Variants in NTRK2 observed in about 807,000 individuals in gnomAD.
The protein encoded by NTRK2 is neurotrophic receptor tyrosine kinase 2, also known as BDNF/NT-3 growth factors receptor.
NTRK2 carries 13 observed loss-of-function variants against 94.5 expected under a neutral mutation model. The ratio of observed to expected loss-of-function variants is 0.14; its 90% confidence interval spans 0.09 to 0.22. The LOEUF (loss-of-function observed/expected upper bound fraction) is 0.22, where lower values mean the gene tolerates loss of function less well. NTRK2 is among the 10% of genes least tolerant of loss of function. NTRK2 has a pLI of 1.00. For synonymous variants in NTRK2, 372 were observed against 407.4 expected (o/e 0.91, Z 1.05); for missense variants, 639 against 1,071.2 (o/e 0.60, Z 5.63).
intron 12 of NTRK2, among the ~76,000 whole-genome samples, chr9:84,775,430 A>G (rs1256318727): frequency 1.3e-5 from 2 of 152,196 alleles, no homozygotes; most frequent in East Asian, 3.9e-4. Flanking sequence ...TTGCTTAGCC[A>G]GAGATATTGC....
At chr9:84,919,308 A>G (rs2077491531) in intron 14 of NTRK2, among the ~76,000 whole-genome samples, 1 of 152,160 alleles carries the variant, frequency 6.6e-6, no homozygotes, top group Admixed American at 6.5e-5. Context: ...AATGCTTGGC[A>G]CTGTTTTTAG....
At chr9:85,006,883 A>G (rs2133465963) in intron 17 of NTRK2, among the ~76,000 whole-genome samples, 1 of 152,330 alleles carries the variant, frequency 6.6e-6, no homozygotes, top group Non-Finnish European at 1.5e-5. Context: ...TCTGGGCTCC[A>G]AGGGGTATGT....
At chr9:84,945,304 C>T (rs2078561739) in intron 15 of NTRK2, among the ~76,000 whole-genome samples, 1 of 152,118 alleles carries the variant, frequency 6.6e-6, no homozygotes, top group South Asian at 2.1e-4. Context: ...CTTTTAGTTG[C>T]CTGATACTGG....
At chr9:84,879,550 T>C (rs1029910685) in intron 14 of NTRK2, among the ~76,000 whole-genome samples, 4 of 152,316 alleles carry the variant, frequency 2.6e-5, no homozygotes, top group African/African-American at 7.2e-5. Flanking sequence ...AAAAAAATCT[T>C]AATAATTGCT....
intron 14 of NTRK2, among the ~76,000 whole-genome samples, chr9:84,870,930 GA>G (rs1489655999): frequency 6.6e-6 from 1 of 152,144 alleles, no homozygotes; most frequent in Non-Finnish European, 1.5e-5. Flanking sequence ...TGAATTGTAA[GA>G]ATCTAATATA....
At chr9:84,814,973 A>T (rs200773440) in intron 12 of NTRK2, 22 of 1,059,560 alleles carry the variant, frequency 2.1e-5, no homozygotes, top group Non-Finnish European at 2.4e-5. Flanking sequence ...ATCTAAAGAC[A>T]TAGGGGAAGA....
chr9:84,819,695 AAACAGGCTC>A (rs1345890544), intron 12 of NTRK2, among the ~76,000 whole-genome samples: 7 of 152,190 alleles, frequency 4.6e-5, no homozygotes, highest in Admixed American at 4.6e-4. Context: ...CGCCAGCCTT[AAACAGGCTC>A]AGCCCTCCCT....
Position 85,024,605 on chromosome 9 carries a change from A to G in NTRK2, c.*3168A>G, listed in dbSNP as rs919915849. 5 of 232,936 alleles carry G rather than the reference A, an allele frequency of 2.1e-5. No homozygotes were observed. Among genetic ancestry groups the G allele is most frequent in the Non-Finnish European group, 4.2e-5 (5 of 117,888 alleles). 14.4% of individuals were successfully genotyped at this position (232,936 alleles called of 1,614,324 possible). A position where few individuals can be genotyped will look rare whatever the true frequency, so the allele number is the denominator to read the frequency against. On this transcript the variant is annotated 3_prime_UTR_variant, in exon 19 of 19. Transcript: ENST00000277120. ...CACTCTGAACTTCGTGGTTCTGTCCACTAGAGACTCTAATATGCAAACAAG... is the reference window on the plus strand; with the variant it reads ...CACTCTGAACTTCGTGGTTCTGTCCGCTAGAGACTCTAATATGCAAACAAG...
intron 2 of NTRK2, among the ~76,000 whole-genome samples, chr9:84,698,924 G>C (rs547618723): frequency 1.3e-5 from 2 of 152,122 alleles, no homozygotes; most frequent in African/African-American, 4.8e-5. Flanking sequence ...AGTTTCTTAG[G>C]GGGTAGATTT....
At chr9:84,787,882 T>C (rs984593528) in intron 12 of NTRK2, among the ~76,000 whole-genome samples, 3 of 152,190 alleles carry the variant, frequency 2.0e-5, no homozygotes, top group Non-Finnish European at 2.9e-5. Context: ...GACAGACTTC[T>C]CGAGTTTGAA....
chr9:84,684,421 G>A (rs2059586947), intron 2 of NTRK2, among the ~76,000 whole-genome samples: 1 of 152,160 alleles, frequency 6.6e-6, no homozygotes, highest in South Asian at 2.1e-4. Flanking sequence ...TGGCTAGCCA[G>A]TTTTCCCAGT....
chr9:84,704,661 G>C (rs901059669), intron 4 of NTRK2, among the ~76,000 whole-genome samples: 1 of 152,160 alleles, frequency 6.6e-6, no homozygotes, highest in African/African-American at 2.4e-5. Flanking sequence ...CAATTGTTGG[G>C]ATGTCAATCA....
chr9:85,023,883 G>T lies in NTRK2; in HGVS notation c.*2446G>T, dbSNP rs1832909153. ...TATTTTATTTTAAGAGAATAAAGTA[G>T]GTAATAATTTAAGGGATCAAATTCA... is the stretch of plus-strand genomic sequence containing the variant. On this transcript the variant is annotated 3_prime_UTR_variant, in exon 19 of 19. Transcript: ENST00000277120. The T allele has an allele frequency of 8.7e-6, 2 of 229,432 alleles. No homozygotes were observed. Among genetic ancestry groups the T allele is most frequent in the Non-Finnish European group, 1.7e-5 (2 of 115,820 alleles). The allele number at this position is 229,432 out of a possible 1,614,324, so 14.2% of individuals were successfully genotyped here. A position where few individuals can be genotyped will look rare whatever the true frequency, so the allele number is the denominator to read the frequency against.
intron 17 of NTRK2, among the ~76,000 whole-genome samples, chr9:85,004,047 G>GAAAGAAAAGAAA (rs1564542231): frequency 6.3e-4 from 25 of 39,750 alleles, no homozygotes; most frequent in Non-Finnish European, 1.0e-3. Flanking sequence ...GAAAGAAAGG[G>GAAAGAAAAGAAA]AGAAAGAGAA....
intron 14 of NTRK2, among the ~76,000 whole-genome samples, chr9:84,913,751 CAT>C (rs2077312688): frequency 6.6e-6 from 1 of 151,970 alleles, no homozygotes; most frequent in Non-Finnish European, 1.5e-5. Flanking sequence ...CTCTAATCTT[CAT>C]AGTGTGGATT....
At chr9:84,938,445 T>C (rs2078284103) in intron 15 of NTRK2, among the ~76,000 whole-genome samples, 2 of 152,242 alleles carry the variant, frequency 1.3e-5, no homozygotes, top group Non-Finnish European at 2.9e-5. Context: ...TTGGGAAGGA[T>C]GTGCCTTGTT....
At chr9:84,695,179 C>T (rs771674747) in intron 2 of NTRK2, among the ~76,000 whole-genome samples, 1 of 151,906 alleles carries the variant, frequency 6.6e-6, no homozygotes, top group Non-Finnish European at 1.5e-5. Context: ...TTTGAAGAGT[C>T]ACCATTTGAA....
chr9:84,930,993 A>C (rs2078005443), intron 14 of NTRK2, among the ~76,000 whole-genome samples: 1 of 152,236 alleles, frequency 6.6e-6, no homozygotes, highest in South Asian at 2.1e-4. Flanking sequence ...TGTGGTTATC[A>C]TTATTAAACA....
chr9:84,854,386 T>C (rs988927390), intron 12 of NTRK2, among the ~76,000 whole-genome samples: 31 of 152,312 alleles, frequency 2.0e-4, no homozygotes, highest in African/African-American at 6.7e-4. Flanking sequence ...CTTAGTAAAC[T>C]ACTTTTGCTT....
Sources: gnomAD v4.1 joint callset for allele counts (sites outside exome capture counted in the v4.1 genomes callset) on GRCh38, gnomAD v4.1.1 for gene constraint, MANE v1.5 for transcripts, NCBI Gene and HGNC (gene_info 2026-07-23, HGNC 2026-07-21) for gene names.